TTC27: variants seen among roughly 807,000 people sequenced by gnomAD.
TTC27 encodes tetratricopeptide repeat protein 27.
Under a neutral mutation model 115.9 loss-of-function variants are expected in TTC27, and 79 were observed. The observed-to-expected ratio is 0.68, with a 90% CI of 0.57 to 0.82. The LOEUF is 0.82. Among genes scored for constraint, TTC27 ranks in the 40% least tolerant of loss-of-function variants. The pLI, the probability that TTC27 is intolerant of heterozygous loss-of-function variation, is 0.00. For synonymous variants in TTC27, 401 were observed against 356.0 expected (o/e 1.13, Z -1.42); for missense variants, 1,054 against 993.1 (o/e 1.06, Z -0.82).
At chr2:32,669,883 CAAAAAA>C (rs70938358) in intron 7 of TTC27, among the ~76,000 whole-genome samples, 4 of 108,874 alleles carry the variant, frequency 3.7e-5, no homozygotes, top group East Asian at 2.5e-4. Context: ...GAGACTTTCT[CAAAAAA>C]AAAAAAAAAA....
chr2:32,721,843 C>T (rs2151910106), intron 10 of TTC27, among the ~76,000 whole-genome samples: 1 of 152,050 alleles, frequency 6.6e-6, no homozygotes, highest in East Asian at 1.9e-4. Context: ...GCTATATTGC[C>T]CAGGTTGGTT....
chr2:32,760,381 C>G (rs13418467), intron 13 of TTC27, among the ~76,000 whole-genome samples: 46,816 of 152,066 alleles, frequency 0.31, 8,923 homozygotes, highest in Non-Finnish European at 0.41. Flanking sequence ...CGTTTGGCAA[C>G]TCACGTAGTC....
At chr2:32,666,546 C>T in intron 6 of TTC27, 89 bp from the exon 7 acceptor site, 1 of 1,381,578 alleles carries the variant, frequency 7.2e-7, no homozygotes, top group East Asian at 2.4e-5. Flanking sequence ...ACCTTGTAAA[C>T]TCTAAAGCAC....
chr2:32,655,296 G>A (rs1254498151), intron 5 of TTC27, among the ~76,000 whole-genome samples: 2 of 151,892 alleles, frequency 1.3e-5, no homozygotes, highest in African/African-American at 4.8e-5. Flanking sequence ...GGCCCGCCTG[G>A]CTATTTTTTA....
At chr2:32,814,740 A>T (rs1301656978) in intron 18 of TTC27, among the ~76,000 whole-genome samples, 1 of 152,212 alleles carries the variant, frequency 6.6e-6, no homozygotes, top group African/African-American at 2.4e-5. Context: ...GTACAGTCAC[A>T]TGCTGTACAG....
intron 10 of TTC27, among the ~76,000 whole-genome samples, chr2:32,705,488 A>AT (rs1423305037): frequency 6.6e-6 from 1 of 151,918 alleles, no homozygotes; most frequent in Non-Finnish European, 1.5e-5. Context: ...TTATTTATTT[A>AT]TTTTTTACTT....
chr2:32,653,612 A>G (rs1050364548), intron 5 of TTC27, among the ~76,000 whole-genome samples: 5 of 152,044 alleles, frequency 3.3e-5, no homozygotes, highest in African/African-American at 1.2e-4. Flanking sequence ...AAAAACAAAA[A>G]AAAAACAGTC....
chr2:32,639,912 T>C (rs1193400587), intron 3 of TTC27, among the ~76,000 whole-genome samples: 1 of 152,028 alleles, frequency 6.6e-6, no homozygotes, highest in Non-Finnish European at 1.5e-5. Flanking sequence ...GGCAGGAGGA[T>C]CACTTGAGCC....
chr2:32,791,377 A>T (rs902744672), intron 16 of TTC27, among the ~76,000 whole-genome samples: 7 of 152,204 alleles, frequency 4.6e-5, no homozygotes, highest in Non-Finnish European at 7.3e-5. Context: ...TTATATGTGG[A>T]AGAGGAAGGA....
intron 12 of TTC27, among the ~76,000 whole-genome samples, chr2:32,740,163 G>A (rs1668581692): frequency 6.6e-6 from 1 of 152,172 alleles, no homozygotes; most frequent in Admixed American, 6.5e-5. Flanking sequence ...TCCCCTAGCT[G>A]ATAGATGTAT....
At chr2:32,777,631 G>A (rs1217096911) in intron 13 of TTC27, among the ~76,000 whole-genome samples, 1 of 152,104 alleles carries the variant, frequency 6.6e-6, no homozygotes, top group Non-Finnish European at 1.5e-5. Flanking sequence ...TTTACACTAA[G>A]TATGGACTTT....
intron 10 of TTC27, among the ~76,000 whole-genome samples, chr2:32,705,942 G>A (rs1572533194): frequency 6.6e-6 from 1 of 152,054 alleles, no homozygotes; most frequent in South Asian, 2.1e-4. Flanking sequence ...TTTTAAATTG[G>A]TATTCTACTG....
intron 10 of TTC27, among the ~76,000 whole-genome samples, chr2:32,711,944 GAAAA>G (rs367969213): frequency 6.9e-6 from 1 of 144,994 alleles, no homozygotes; most frequent in Non-Finnish European, 1.5e-5. Flanking sequence ...GTCTCAAAAA[GAAAA>G]AAAAAAGACT....
chr2:32,800,283 G>A (rs1247693410), intron 16 of TTC27, among the ~76,000 whole-genome samples: 3 of 152,058 alleles, frequency 2.0e-5, no homozygotes, highest in Non-Finnish European at 2.9e-5. Context: ...CGCCTCCCAG[G>A]TTCAAGTGAT....
chr2:32,689,027 A>T (rs1030518394), intron 9 of TTC27, among the ~76,000 whole-genome samples: 1 of 152,142 alleles, frequency 6.6e-6, no homozygotes, highest in Non-Finnish European at 1.5e-5. Flanking sequence ...AATACTCAAC[A>T]ATAAAAAGTT....
intron 13 of TTC27, among the ~76,000 whole-genome samples, chr2:32,776,344 A>T (rs1323269194): frequency 2.6e-5 from 4 of 152,162 alleles, no homozygotes; most frequent in Non-Finnish European, 5.9e-5. Context: ...GGAATGGCTG[A>T]AGGAGGAGTG....
At chr2:32,641,938 C>T (rs949067930) in intron 4 of TTC27, among the ~76,000 whole-genome samples, 4 of 152,232 alleles carry the variant, frequency 2.6e-5, no homozygotes, top group African/African-American at 9.6e-5. Flanking sequence ...TCACTGCAAG[C>T]TCCACCTCCT....
chr2:32,787,163 A>G lies in TTC27; in HGVS notation c.1998+14A>G. 1.9e-6 allele frequency: 3 copies of G among 1,600,874 alleles called. No homozygotes were observed. Among genetic ancestry groups the G allele is most frequent in the Non-Finnish European group, 2.6e-6 (3 of 1,175,186 alleles). ...AAAGATGTTCAGGTAGGATATTCCTATTCCGTTATTTCAGTTTGTGTTTGA... is the reference window on the plus strand; with the variant it reads ...AAAGATGTTCAGGTAGGATATTCCTGTTCCGTTATTTCAGTTTGTGTTTGA... On this transcript the variant is annotated intron_variant, in intron 16 of 19. Transcript: ENST00000317907.
chr2:32,664,256 T>C (rs1366449639), intron 5 of TTC27, 47 bp from the exon 6 acceptor site: 2 of 1,515,912 alleles, frequency 1.3e-6, no homozygotes, highest in African/African-American at 2.8e-5. Flanking sequence ...CATTAATATA[T>C]TTTTCTTCTC....
Sources: allele counts gnomAD v4.1 joint callset (sites outside exome capture counted in the v4.1 genomes callset), GRCh38; gene constraint gnomAD v4.1.1; transcripts MANE v1.5; gene names NCBI Gene and HGNC (gene_info 2026-07-23, HGNC 2026-07-21).